Variants in EPB41L3 observed in about 807,000 individuals in gnomAD.
EPB41L3 encodes the protein erythrocyte membrane protein band 4.1 like 3.
Under a neutral mutation model 127.1 loss-of-function variants are expected in EPB41L3, and 57 were observed. That is an observed-to-expected ratio of 0.45 (90% CI 0.36 to 0.56). The LOEUF (loss-of-function observed/expected upper bound fraction) is 0.56, where lower values mean the gene tolerates loss of function less well. EPB41L3 is among the 20% of genes least tolerant of loss of function. EPB41L3 has a pLI of 0.00. For synonymous variants in EPB41L3, 572 were observed against 549.5 expected, an observed-to-expected ratio of 1.04 and a Z score of -0.57; for missense variants, 1,273 against 1,372.2, an observed-to-expected ratio of 0.93 and a Z score of 1.14.
Position 5,433,896 on chromosome 18 carries a change from C to T in EPB41L3, c.824+7G>A, listed in dbSNP as rs1401608337. 2 of 1,614,034 alleles carry T rather than the reference C, an allele frequency of 1.2e-6. No individual in the cohort carries two copies. Among genetic ancestry groups the T allele is most frequent in the African/African-American group, 1.3e-5 (1 of 74,920 alleles). On this transcript the variant is annotated splice_region_variant and intron_variant, in intron 7 of 22. Transcript: ENST00000341928. ...ACAACTTAAATGAACACCTTTCTGC[C>T]TCTAACCTGTGGCTCTTGTGCAGCT...
At chr18:5,529,928 A>ATGTATGTGTGTGTGTGTGTGTGTGTGTG (rs374864271) in intron 1 of EPB41L3, among the ~76,000 whole-genome samples, 4 of 146,772 alleles carry the variant, frequency 2.7e-5, no homozygotes, top group African/African-American at 1.0e-4. Context: ...CAACTCATAT[A>ATGTATGTGTGTGTGTGTGTGTGTGTGTG]TGTGTGTGTG....
At chr18:5,494,855 C>T (rs1167283205) in intron 1 of EPB41L3, among the ~76,000 whole-genome samples, 4 of 152,046 alleles carry the variant, frequency 2.6e-5, no homozygotes, top group Non-Finnish European at 4.4e-5. Context: ...GGATTGAGAG[C>T]GAGACGGACA....
intron 11 of EPB41L3, among the ~76,000 whole-genome samples, chr18:5,423,144 T>G (rs1244653142): frequency 6.6e-6 from 1 of 152,190 alleles, no homozygotes; most frequent in Non-Finnish European, 1.5e-5. Flanking sequence ...TTTTCTTCAT[T>G]CCCGAAGTGC....
chr18:5,522,010 C>T (rs1160153980), intron 1 of EPB41L3, among the ~76,000 whole-genome samples: 1 of 152,140 alleles, frequency 6.6e-6, no homozygotes, highest in African/African-American at 2.4e-5. Flanking sequence ...TAAAAACTAT[C>T]AACACACCTC....
chr18:5,603,430 G>C (rs1044460360), intron 3 of EPB41L3, among the ~76,000 whole-genome samples: 1 of 152,178 alleles, frequency 6.6e-6, no homozygotes, highest in Non-Finnish European at 1.5e-5. Context: ...ACCTTGCTCA[G>C]CTACAGGAAC....
At chr18:5,610,249 G>A in intron 3 of EPB41L3, 2 of 985,338 alleles carry the variant, frequency 2.0e-6, no homozygotes, top group Non-Finnish European at 2.4e-6. Flanking sequence ...AAAAAAGAGA[G>A]AGAAAAAAAT....
At position 5,436,687 on chromosome 18, in the gene EPB41L3, C is replaced by T. The variant is rs543449287; in HGVS notation, c.605+1348G>A. Among the ~76,000 whole-genome samples, 86 of 152,198 alleles carry T rather than the reference C, an allele frequency of 5.7e-4. No individual in the cohort carries two copies. In the East Asian group the frequency reaches 5.8e-3, roughly 10 times the overall value. ...CCTCCCAAAGTGCTGGGATTACAGGCGTGCGCCACCGTGCCTGGCCCACCA... is the reference window on the plus strand; with the variant it reads ...CCTCCCAAAGTGCTGGGATTACAGGTGTGCGCCACCGTGCCTGGCCCACCA... On this transcript the variant is annotated intron_variant, in intron 6 of 22. Transcript: ENST00000341928.
In EPB41L3 at chr18:5,593,299, G is replaced by A. The variant is rs75315799; in HGVS notation, c.-306+19041C>T. 9.9e-3 allele frequency among the ~76,000 whole-genome samples: 1,483 copies of A among 150,492 alleles called. 9 individuals are homozygous for A. The highest frequency in any genetic ancestry group is 0.014 in the Non-Finnish European group (929 of 67,714). On this transcript the variant is annotated intron_variant, in intron 3 of 21. Transcript: ENST00000545076. ...GTTCCATTTTCCCTAAGCAACAGCC[G>A]GTTTGAGAAATAAAGGGAGAGAGTA...
At chr18:5,561,239 A>C (rs755928147) in intron 3 of EPB41L3, among the ~76,000 whole-genome samples, 25 of 152,086 alleles carry the variant, frequency 1.6e-4, no homozygotes, top group Non-Finnish European at 2.8e-4. Context: ...GGCCTCCCAA[A>C]GTGCTGGGAT....
chr18:5,595,812 C>T (rs1419913060), intron 3 of EPB41L3, among the ~76,000 whole-genome samples: 1 of 152,128 alleles, frequency 6.6e-6, no homozygotes, highest in Non-Finnish European at 1.5e-5. Flanking sequence ...TAAATCGGTG[C>T]TTCTTAAGCA....
intron 1 of EPB41L3, chr18:5,628,874 C>A (rs1240107678): frequency 1.3e-5 from 2 of 151,810 alleles, no homozygotes; most frequent in African/African-American, 2.4e-5. Context: ...CACGCAGCCC[C>A]TGACGCGCCC....
At chr18:5,522,533 C>G (rs2093036997) in intron 1 of EPB41L3, among the ~76,000 whole-genome samples, 1 of 151,964 alleles carries the variant, frequency 6.6e-6, no homozygotes, top group Non-Finnish European at 1.5e-5. Flanking sequence ...ATAAGGCATC[C>G]CAATAGAGTA....
chr18:5,622,061 T>G (rs1160997570), intron 1 of EPB41L3, among the ~76,000 whole-genome samples: 1 of 150,722 alleles, frequency 6.6e-6, no homozygotes, highest in East Asian at 1.9e-4. Flanking sequence ...TTTGGTTACT[T>G]TTTTTTTTAA....
intron 1 of EPB41L3, among the ~76,000 whole-genome samples, chr18:5,530,808 C>G (rs1198632248): frequency 6.6e-6 from 1 of 152,138 alleles, no homozygotes; most frequent in African/African-American, 2.4e-5. Flanking sequence ...CTTTCATGCC[C>G]CAATTCCCCA....
At chr18:5,538,770 C>T (rs2093641113) in intron 1 of EPB41L3, among the ~76,000 whole-genome samples, 1 of 152,160 alleles carries the variant, frequency 6.6e-6, no homozygotes, top group South Asian at 2.1e-4. Context: ...AACCGACTCC[C>T]TGCAGTTCTT....
chr18:5,574,205 A>G (rs571407012), intron 3 of EPB41L3, among the ~76,000 whole-genome samples: 1 of 152,156 alleles, frequency 6.6e-6, no homozygotes, highest in African/African-American at 2.4e-5. Flanking sequence ...ATTACACTAG[A>G]TGTACCATGG....
At chr18:5,441,410 A>G (rs2080706082) in intron 5 of EPB41L3, among the ~76,000 whole-genome samples, 4 of 151,968 alleles carry the variant, frequency 2.6e-5, no homozygotes, top group Admixed American at 2.6e-4. Context: ...GCAAGAGGGC[A>G]TTTTAGTGGA....
intron 3 of EPB41L3, among the ~76,000 whole-genome samples, chr18:5,609,381 A>AT (rs1206639455): frequency 2.0e-5 from 3 of 152,154 alleles, no homozygotes; most frequent in Admixed American, 2.0e-4. Flanking sequence ...ATTGAAAAAC[A>AT]TTTTTTTGTA....
chr18:5,425,008 G>T (rs544410707), intron 9 of EPB41L3, among the ~76,000 whole-genome samples: 1 of 152,214 alleles, frequency 6.6e-6, no homozygotes, highest in East Asian at 1.9e-4. Flanking sequence ...TCAGCCATTT[G>T]ATTTTTCGAG....
Sources: gnomAD v4.1 joint callset for allele counts (sites outside exome capture counted in the v4.1 genomes callset) on GRCh38, gnomAD v4.1.1 for gene constraint, MANE v1.5 for transcripts, NCBI Gene and HGNC (gene_info 2026-07-23, HGNC 2026-07-21) for gene names.